SNX29: variants seen among roughly 807,000 people sequenced by gnomAD.
The protein encoded by SNX29 is sorting nexin 29.
Under a neutral mutation model 102.1 loss-of-function variants are expected in SNX29, and 78 were observed. The observed-to-expected ratio is 0.76, with a 90% CI of 0.64 to 0.92. The LOEUF is 0.92. SNX29 is among the 40% of genes least tolerant of loss of function. The pLI, the probability that SNX29 is intolerant of heterozygous loss-of-function variation, is 0.00. For synonymous variants in SNX29, 580 were observed against 414.5 expected, an observed-to-expected ratio of 1.40 and a Z score of -4.85; for missense variants, 1,280 against 1,061.7, an observed-to-expected ratio of 1.21 and a Z score of -2.86.
chr16:12,018,873 C>T (rs573442117), intron 3 of SNX29, among the ~76,000 whole-genome samples: 210 of 151,988 alleles, frequency 1.4e-3, no homozygotes, highest in Admixed American at 3.1e-3. Context: ...CAGGTGTGAG[C>T]CACTGAGCCC....
chr16:12,036,421 G>A (rs1219540627), intron 4 of SNX29, among the ~76,000 whole-genome samples: 23 of 142,688 alleles, frequency 1.6e-4, no homozygotes, highest in African/African-American at 4.4e-4. Context: ...TGCCAGCTCC[G>A]CCTCCCGGAT....
rs33924503 is a variant in SNX29 at position 11,986,374 on chromosome 16, T to TAA, written c.7+9577_7+9578dup. 8.2e-3 allele frequency among the ~76,000 whole-genome samples: 1,075 copies of TAA among 131,050 alleles called. 12 individuals carry two copies. Among genetic ancestry groups the TAA allele is most frequent in the African/African-American group, 0.021 (740 of 34,656 alleles). 86.0% of individuals were successfully genotyped at this position (131,050 alleles called of 152,430 possible). A position where few individuals can be genotyped will look rare whatever the true frequency, so the allele number is the denominator to read the frequency against. On this transcript the variant is annotated intron_variant, in intron 1 of 20. Transcript: ENST00000566228. Reference sequence around the variant, plus strand: ...GAATCTGCTCTTTCCTCCTACAACTTAAAAAAAAAAAAAAAAAGCGAAAAC... The same window carrying TAA: ...GAATCTGCTCTTTCCTCCTACAACTTAAAAAAAAAAAAAAAAAAAGCGAAAAC...
chr16:12,285,663 T>C (rs1596759895), intron 15 of SNX29, among the ~76,000 whole-genome samples: 1 of 152,222 alleles, frequency 6.6e-6, no homozygotes, highest in East Asian at 1.9e-4. Flanking sequence ...CACCAGTGCC[T>C]GCCTCATAAA....
intron 18 of SNX29, among the ~76,000 whole-genome samples, chr16:12,466,686 A>G (rs997174225): frequency 3.3e-5 from 5 of 152,174 alleles, no homozygotes; most frequent in African/African-American, 9.7e-5. Context: ...CAAAGCATGG[A>G]TAGTTTCATG....
intron 3 of SNX29, among the ~76,000 whole-genome samples, chr16:12,004,840 C>T (rs376064566): frequency 1.4e-4 from 22 of 152,222 alleles, no homozygotes; most frequent in Admixed American, 3.9e-4. Context: ...CTCCATTGCA[C>T]GTATTACCAT....
rs545160342 is a variant in SNX29 at position 12,353,503 on chromosome 16, G to T, written c.1783-2660G>T. Among the ~76,000 whole-genome samples the T allele has an allele frequency of 1.1e-4, 15 of 140,304 alleles. No homozygotes were observed. In the East Asian group the frequency reaches 2.3e-3, roughly 22 times the overall value. 92.0% of individuals were successfully genotyped at this position (140,304 alleles called of 152,430 possible). On this transcript the variant is annotated intron_variant, in intron 15 of 20. Transcript: ENST00000566228. ...CCATTTCATAGACGCACAGCCACAG[G>T]CTCATACCAGAACACACACACTGTC...
intron 15 of SNX29, among the ~76,000 whole-genome samples, chr16:12,281,291 G>T (rs1403712120): frequency 6.6e-6 from 1 of 152,184 alleles, no homozygotes; most frequent in East Asian, 1.9e-4. Context: ...GAGTTTCTGA[G>T]AATTTTTTTA....
In SNX29 at chr16:12,524,692, G is replaced by GT; in HGVS notation, c.2179-7dup. ...ACGTACCAAAGCGAAGATGTTTTGTGTTTCCTCAGGATGCCAAGTTTGTGG... is the reference window on the plus strand; with the variant it reads ...ACGTACCAAAGCGAAGATGTTTTGTGTTTTCCTCAGGATGCCAAGTTTGTGG... On this transcript the variant is annotated splice_polypyrimidine_tract_variant and intron_variant, in intron 19 of 20. Transcript: ENST00000566228. The GT allele has an allele frequency of 6.2e-7, 1 of 1,612,640 alleles. No individual in the cohort carries two copies.
At chr16:12,041,695 A>G (rs1387363837) in intron 4 of SNX29, among the ~76,000 whole-genome samples, 4 of 152,008 alleles carry the variant, frequency 2.6e-5, no homozygotes, top group Non-Finnish European at 4.4e-5. Context: ...TTCTGTGTCA[A>G]GTTTCTCTCT....
At chr16:12,175,861 A>C (rs1410246731) in intron 13 of SNX29, among the ~76,000 whole-genome samples, 6 of 151,934 alleles carry the variant, frequency 3.9e-5, no homozygotes, top group African/African-American at 7.3e-5. Context: ...ATTAAAAAAA[A>C]AATTAGCCAT....
chr16:12,144,150 A>C (rs1337289726), intron 13 of SNX29, among the ~76,000 whole-genome samples: 2 of 152,192 alleles, frequency 1.3e-5, no homozygotes, highest in Admixed American at 1.3e-4. Context: ...GCAAGGACTT[A>C]AGAGAGGATG....
intron 20 of SNX29, among the ~76,000 whole-genome samples, chr16:12,563,340 C>T (rs544298003): frequency 2.0e-5 from 3 of 152,282 alleles, no homozygotes; most frequent in African/African-American, 7.2e-5. Flanking sequence ...CGAGGAGTGG[C>T]CATTATCCTG....
At chr16:12,494,450 G>A (rs1030872910) in intron 19 of SNX29, among the ~76,000 whole-genome samples, 2 of 152,188 alleles carry the variant, frequency 1.3e-5, no homozygotes, top group African/African-American at 4.8e-5. Flanking sequence ...GGATTTGTGG[G>A]TATTGGCATG....
rs374726975 is a variant in SNX29, at chr16:12,098,597, T to C, written c.1402+19682T>C. Among the ~76,000 whole-genome samples, 1 of 152,222 alleles carries C rather than the reference T, an allele frequency of 6.6e-6. No individual in the cohort carries two copies. Among genetic ancestry groups the C allele is most frequent in the East Asian group, 1.9e-4 (1 of 5,194 alleles). ...GCGCGCCCGATTCAGTTTCATGCTC[T>C]TCCGTCTGCCGGGACACCCTCCCCT... On this transcript the variant is annotated intron_variant, in intron 11 of 20. Coordinates refer to ENST00000566228, the MANE Select transcript of SNX29 (RefSeq NM_032167.5). This position sits in a 1 kb window ranked among gnomAD's most constrained non-coding sequence, Gnocchi z 6.0.
intron 19 of SNX29, 39 bp downstream of exon 19, chr16:12,477,898 G>A (rs1597530260): frequency 2.6e-6 from 4 of 1,542,820 alleles, no homozygotes; most frequent in East Asian, 4.6e-5. Context: ...GTCACTGCCT[G>A]CGTTAAAATG....
intron 11 of SNX29, among the ~76,000 whole-genome samples, chr16:12,080,025 T>C (rs573924088): frequency 6.6e-6 from 1 of 152,274 alleles, no homozygotes; most frequent in East Asian, 1.9e-4. Context: ...ATATGGTATG[T>C]TTTATATATT....
chr16:12,545,864 G>T (rs941783813), intron 20 of SNX29, among the ~76,000 whole-genome samples: 4 of 152,152 alleles, frequency 2.6e-5, no homozygotes, highest in Non-Finnish European at 4.4e-5. Flanking sequence ...CCTTGAGAGG[G>T]TGAGCCTAAG....
At chr16:12,210,243 C>G (rs1314243044) in intron 14 of SNX29, among the ~76,000 whole-genome samples, 3 of 152,042 alleles carry the variant, frequency 2.0e-5, no homozygotes, top group Admixed American at 2.0e-4. Context: ...GAGGCACATG[C>G]CTTTACTTGC....
chr16:12,519,676 G>A (rs1035616757), intron 19 of SNX29, among the ~76,000 whole-genome samples: 2 of 152,180 alleles, frequency 1.3e-5, no homozygotes, highest in African/African-American at 4.8e-5. Flanking sequence ...ATTAAAATTT[G>A]TGCTGCTTTT....
Sources: allele counts gnomAD v4.1 joint callset (sites outside exome capture counted in the v4.1 genomes callset), GRCh38; gene constraint gnomAD v4.1.1; non-coding constraint Gnocchi (gnomAD v3.1); transcripts MANE v1.5; gene names NCBI Gene and HGNC (gene_info 2026-07-23, HGNC 2026-07-21).